The following PDZRN3 variants were observed in gnomAD, a reference collection of about 807,000 sequenced individuals.
PDZRN3 encodes PDZ domain containing ring finger 3, also known as E3 ubiquitin-protein ligase PDZRN3.
Under a neutral mutation model 85.7 loss-of-function variants are expected in PDZRN3, and 38 were observed. The ratio of observed to expected loss-of-function variants is 0.44; its 90% CI spans 0.34 to 0.58. The LOEUF (loss-of-function observed/expected upper bound fraction) is 0.58. Among genes scored for constraint, PDZRN3 ranks in the 20% least tolerant of loss-of-function variants. The pLI is 0.01. For missense variants in PDZRN3, 1,629 were observed against 1,506.4 expected (o/e 1.08, Z -1.35); for synonymous variants, 759 against 638.0 (o/e 1.19, Z -2.86).
chr3:73,606,721 T>G (rs1009073141), intron 2 of PDZRN3, among the ~76,000 whole-genome samples: 1 of 152,230 alleles, frequency 6.6e-6, no homozygotes, highest in African/African-American at 2.4e-5. Flanking sequence ...TTTAAAATGT[T>G]CTTTTTTATA....
Position 73,439,887 on chromosome 3 carries a change from C to T in PDZRN3, c.919-35492G>A, listed in dbSNP as rs924418169. Among the ~76,000 whole-genome samples, 3 of 151,814 alleles carry T rather than the reference C, an allele frequency of 2.0e-5. No homozygotes were observed. The East Asian group carries it at 5.8e-4, about 29-fold the overall frequency. On this transcript the variant is annotated intron_variant, in intron 3 of 9. Transcript: ENST00000263666. ...CTGAATAGCTGGGACTACAGGCATG[C>T]ACCACCACATCAAGCTAATTTTTCT... is the stretch of plus-strand genomic sequence containing the variant.
chr3:73,511,068 A>C (rs1432054822), intron 3 of PDZRN3, among the ~76,000 whole-genome samples: 1 of 152,208 alleles, frequency 6.6e-6, no homozygotes, highest in Non-Finnish European at 1.5e-5. Flanking sequence ...CAAAGGGAGA[A>C]AACAAAACAC....
intron 3 of PDZRN3, among the ~76,000 whole-genome samples, chr3:73,489,065 G>C (rs1462096050): frequency 6.6e-6 from 1 of 152,222 alleles, no homozygotes; most frequent in Non-Finnish European, 1.5e-5. Flanking sequence ...GCAGGCCCTT[G>C]GGATGGGGGA....
chr3:73,398,484 C>G (rs1425716922), intron 5 of PDZRN3, among the ~76,000 whole-genome samples: 1 of 152,092 alleles, frequency 6.6e-6, no homozygotes, highest in Non-Finnish European at 1.5e-5. Flanking sequence ...ATCTAGGGGG[C>G]CAAGTTTCTG....
intron 5 of PDZRN3, among the ~76,000 whole-genome samples, chr3:73,397,004 C>T (rs1701650980): frequency 6.6e-6 from 1 of 151,440 alleles, no homozygotes; most frequent in Admixed American, 6.6e-5. Context: ...GGGAGAACAT[C>T]TGTTTTTCTT....
intron 3 of PDZRN3, among the ~76,000 whole-genome samples, chr3:73,448,141 G>A (rs1201548736): frequency 6.6e-6 from 1 of 152,166 alleles, no homozygotes; most frequent in Non-Finnish European, 1.5e-5. Flanking sequence ...TACCATGTGA[G>A]ATTCAGCACA....
chr3:73,385,255 C>T (rs1267134537), intron 9 of PDZRN3, among the ~76,000 whole-genome samples: 1 of 152,206 alleles, frequency 6.6e-6, no homozygotes, highest in Non-Finnish European at 1.5e-5. Flanking sequence ...CCTTGTTCAA[C>T]TCAATAAGGA....
intron 3 of PDZRN3, among the ~76,000 whole-genome samples, chr3:73,543,806 A>G (rs1701343828): frequency 1.3e-5 from 2 of 152,250 alleles, no homozygotes; most frequent in African/African-American, 4.8e-5. Flanking sequence ...CTGACCAGAC[A>G]CCAACAAGCA....
At chr3:73,426,222 T>G (rs1702312698) in intron 3 of PDZRN3, among the ~76,000 whole-genome samples, 2 of 151,786 alleles carry the variant, frequency 1.3e-5, no homozygotes, top group East Asian at 1.9e-4. Context: ...ATATTTATCA[T>G]GTATATACAG....
At chr3:73,387,309 C>G (rs1178086186) in intron 8 of PDZRN3, among the ~76,000 whole-genome samples, 1 of 152,224 alleles carries the variant, frequency 6.6e-6, no homozygotes, top group African/African-American at 2.4e-5. Context: ...CTAAGTGGAT[C>G]AAGAGTGCCA....
intron 3 of PDZRN3, among the ~76,000 whole-genome samples, chr3:73,461,371 T>G (rs751480693): frequency 6.6e-6 from 1 of 152,236 alleles, no homozygotes; most frequent in Non-Finnish European, 1.5e-5. Flanking sequence ...ATGTGCAGCA[T>G]GAGTTTGGAG....
chr3:73,511,884 C>A (rs1443832347), intron 3 of PDZRN3, among the ~76,000 whole-genome samples: 1 of 152,198 alleles, frequency 6.6e-6, no homozygotes, highest in Admixed American at 6.5e-5. Context: ...GGCGAATACA[C>A]AATATTTCCA....
At chr3:73,612,279 A>T (rs1702696935) in intron 1 of PDZRN3, among the ~76,000 whole-genome samples, 1 of 152,174 alleles carries the variant, frequency 6.6e-6, no homozygotes, top group Non-Finnish European at 1.5e-5. Flanking sequence ...GCAAAGTGGG[A>T]AGGTCACGAT....
intron 3 of PDZRN3, among the ~76,000 whole-genome samples, chr3:73,495,077 A>C (rs548987822): frequency 1.2e-4 from 19 of 152,328 alleles, no homozygotes; most frequent in Non-Finnish European, 2.5e-4. Flanking sequence ...ATTACTCACT[A>C]TGTGGGTGAC....
intron 3 of PDZRN3, among the ~76,000 whole-genome samples, chr3:73,545,750 A>G (rs1701407407): frequency 1.3e-5 from 2 of 152,122 alleles, no homozygotes; most frequent in South Asian, 4.1e-4. Context: ...GACCACAGCA[A>G]TTTTCTGATG....
intron 5 of PDZRN3, among the ~76,000 whole-genome samples, chr3:73,391,496 A>G (rs574277689): frequency 6.6e-5 from 10 of 152,288 alleles, no homozygotes; most frequent in East Asian, 1.9e-4. Context: ...AATGTTTCCA[A>G]TGTGTTTGGT....
intron 2 of PDZRN3, among the ~76,000 whole-genome samples, chr3:73,605,207 C>CA (rs767574608): frequency 0.092 from 8,857 of 96,306 alleles, 838 homozygotes; most frequent in African/African-American, 0.24. Context: ...ACCCCCGTCT[C>CA]AAAAAAAAAA....
At chr3:73,458,316 T>A (rs971511876) in intron 3 of PDZRN3, among the ~76,000 whole-genome samples, 1 of 151,930 alleles carries the variant, frequency 6.6e-6, no homozygotes, top group Non-Finnish European at 1.5e-5. Context: ...CTCCCAAGTC[T>A]GATGCCAATA....
intron 3 of PDZRN3, among the ~76,000 whole-genome samples, chr3:73,503,215 A>T (rs1394472793): frequency 2.0e-5 from 3 of 152,342 alleles, no homozygotes; most frequent in African/African-American, 7.2e-5. Flanking sequence ...TTCCTTTATA[A>T]GCTAAACCTA....
Sources: gnomAD v4.1 joint callset for allele counts (sites outside exome capture counted in the v4.1 genomes callset) on GRCh38, gnomAD v4.1.1 for gene constraint, MANE v1.5 for transcripts, NCBI Gene and HGNC (gene_info 2026-07-23, HGNC 2026-07-21) for gene names.